ONECUT2: variants seen among roughly 807,000 people sequenced by gnomAD.
ONECUT2 encodes the protein one cut homeobox 2.
A neutral mutation model predicts 27.9 loss-of-function variants in ONECUT2; 10 were observed. The ratio of observed to expected loss-of-function variants is 0.36; its 90% confidence interval spans 0.22 to 0.61. The LOEUF (loss-of-function observed/expected upper bound fraction) is 0.61. ONECUT2 is among the 20% of genes least tolerant of loss of function. The probability of loss-of-function intolerance (pLI) is 0.73; values close to 1 mark genes in which losing one functional copy is unlikely to be tolerated. For synonymous variants in ONECUT2, 334 were observed against 315.1 expected, an observed-to-expected ratio of 1.06 and a Z score of -0.64; for missense variants, 686 against 721.0, an observed-to-expected ratio of 0.95 and a Z score of 0.56.
chr18:57,467,289 G>A (rs2050326706), intron 1 of ONECUT2: 2 of 420,674 alleles, frequency 4.8e-6, no homozygotes, highest in Admixed American at 2.7e-5. Context: ...TGAAAGCAGA[G>A]GCGGCGGTGT....
intron 1 of ONECUT2, chr18:57,467,294 C>T (rs1330611262): frequency 9.7e-6 from 4 of 410,980 alleles, no homozygotes; most frequent in South Asian, 1.7e-5. Flanking sequence ...GCAGAGGCGG[C>T]GGTGTGGAGA....
intron 1 of ONECUT2, among the ~76,000 whole-genome samples, chr18:57,475,878 G>A (rs970334304): frequency 2.0e-5 from 3 of 152,086 alleles, no homozygotes; most frequent in African/African-American, 7.2e-5. Context: ...AAGTCTGGAC[G>A]AAAGGAATTT....
rs143713424 is a variant in ONECUT2 at position 57,443,515 on chromosome 18, C to T, written c.1228+6571C>T. Among the ~76,000 whole-genome samples the T allele has an allele frequency of 2.7e-3, 412 of 152,324 alleles. 5 individuals carry two copies. The highest frequency in any genetic ancestry group is 9.2e-3 in the African/African-American group (381 of 41,578). On this transcript the variant is annotated intron_variant, in intron 1 of 1. Coordinates refer to ENST00000491143, the MANE Select transcript of ONECUT2 (RefSeq NM_004852.3). ...GTCAGGCTAACTCACCCTGTGGGGC[C>T]CTATCACCCCCTCTTATCACCCAGG...
chr18:57,448,256 G>C (rs2050211706), intron 1 of ONECUT2, among the ~76,000 whole-genome samples: 2 of 152,186 alleles, frequency 1.3e-5, no homozygotes, highest in Admixed American at 1.3e-4. Context: ...TGGTTCTCAG[G>C]GAGGTAGAGC....
chr18:57,482,128 G>A lies in ONECUT2; in HGVS notation c.*5405G>A, dbSNP rs534536810. 1 of 152,302 alleles carries A rather than the reference G, an allele frequency of 6.6e-6. No individual in the cohort carries two copies. Among genetic ancestry groups the A allele is most frequent in the East Asian group, 1.9e-4 (1 of 5,188 alleles). The allele number at this position is 152,302 out of a possible 1,614,324, so 9.4% of individuals were successfully genotyped here. A position where few individuals can be genotyped will look rare whatever the true frequency, so the allele number is the denominator to read the frequency against. On this transcript the variant is annotated 3_prime_UTR_variant, in exon 2 of 2. Transcript: ENST00000491143. Reference sequence around the variant, plus strand: ...AAGGCCACAAAAATCCTTACGGAATGAAGAATGGCACCCCAGTTGGTTGTA... The same window carrying A: ...AAGGCCACAAAAATCCTTACGGAATAAAGAATGGCACCCCAGTTGGTTGTA...
intron 1 of ONECUT2, among the ~76,000 whole-genome samples, chr18:57,444,067 C>T (rs1181068685): frequency 6.6e-6 from 1 of 152,168 alleles, no homozygotes; most frequent in East Asian, 1.9e-4. Context: ...GAAAGCATCA[C>T]ATTTTTAAAG....
chr18:57,443,060 T>C (rs1287092615), intron 1 of ONECUT2, among the ~76,000 whole-genome samples: 1 of 152,194 alleles, frequency 6.6e-6, no homozygotes, highest in Non-Finnish European at 1.5e-5. Context: ...GGAACAGGAC[T>C]GAAAAACTCT....
At position 57,483,871 on chromosome 18, in the gene ONECUT2, C is replaced by G. The variant is rs2050427202; in HGVS notation, c.*7148C>G. The G allele has an allele frequency of 6.6e-6, 1 of 152,568 alleles. No individual in the cohort carries two copies. Among genetic ancestry groups the G allele is most frequent in the Non-Finnish European group, 1.5e-5 (1 of 68,042 alleles). 9.5% of individuals were successfully genotyped at this position (152,568 alleles called of 1,614,324 possible). A position where few individuals can be genotyped will look rare whatever the true frequency, so the allele number is the denominator to read the frequency against. ...TTCATATTGTAACTTATTTATTTAA[C>G]TTATTCAGCATCTGTGAAAGGTGCA... On this transcript the variant is annotated 3_prime_UTR_variant, in exon 2 of 2. Coordinates refer to ENST00000491143, the MANE Select transcript of ONECUT2 (RefSeq NM_004852.3).
chr18:57,457,727 G>A (rs954378119), intron 1 of ONECUT2, among the ~76,000 whole-genome samples: 1 of 152,070 alleles, frequency 6.6e-6, no homozygotes. Flanking sequence ...CAACCCAAAT[G>A]TCCATCAGTG....
At chr18:57,467,662 G>A (rs1273031103) in intron 1 of ONECUT2, among the ~76,000 whole-genome samples, 1 of 152,152 alleles carries the variant, frequency 6.6e-6, no homozygotes, top group Non-Finnish European at 1.5e-5. Flanking sequence ...ACCTCACCTG[G>A]CCTATCATCC....
chr18:57,469,546 T>G (rs1410791151), intron 1 of ONECUT2, among the ~76,000 whole-genome samples: 4 of 152,220 alleles, frequency 2.6e-5, no homozygotes, highest in African/African-American at 4.8e-5. Flanking sequence ...CCAAAACCTT[T>G]TAGGATCTCT....
chr18:57,472,665 G>A (rs189256723), intron 1 of ONECUT2, among the ~76,000 whole-genome samples: 34 of 152,038 alleles, frequency 2.2e-4, no homozygotes, highest in Middle Eastern at 3.4e-3. Flanking sequence ...TTTGCTTCAC[G>A]TTAAGTCTTT....
intron 1 of ONECUT2, among the ~76,000 whole-genome samples, chr18:57,473,668 A>G (rs1213174651): frequency 2.6e-5 from 4 of 152,106 alleles, no homozygotes; most frequent in African/African-American, 4.8e-5. Context: ...CTCATGAGAA[A>G]TGCAGAATCC....
chr18:57,461,961 G>T (rs1257946236), intron 1 of ONECUT2, among the ~76,000 whole-genome samples: 1 of 152,216 alleles, frequency 6.6e-6, no homozygotes, highest in Non-Finnish European at 1.5e-5. Context: ...GAATTTCTGG[G>T]TCATAGGGCA....
Position 57,478,478 on chromosome 18 carries a change from A to T in ONECUT2, c.*1755A>T, listed in dbSNP as rs1334965683. The T allele has an allele frequency of 6.5e-6, 1 of 152,678 alleles. No homozygotes were observed. Among genetic ancestry groups the T allele is most frequent in the Admixed American group, 6.5e-5 (1 of 15,286 alleles). The allele number at this position is 152,678 out of a possible 1,614,324, so 9.5% of individuals were successfully genotyped here. On this transcript the variant is annotated 3_prime_UTR_variant, in exon 2 of 2. Transcript: ENST00000491143. ...AATAAATAAATCCGTAAATCAATGG[A>T]AATCACCACCAATAAGAAGGAAGCA...
At chr18:57,464,895 A>C (rs980823235) in intron 1 of ONECUT2, among the ~76,000 whole-genome samples, 5 of 152,314 alleles carry the variant, frequency 3.3e-5, no homozygotes, top group Admixed American at 6.5e-5. Flanking sequence ...AGTAAGCTAG[A>C]GTATGTCTTC....
chr18:57,484,173 A>G lies in ONECUT2; in HGVS notation c.*7450A>G, dbSNP rs1226950694. 1 of 152,648 alleles carries G rather than the reference A, an allele frequency of 6.6e-6. No homozygotes were observed. Among genetic ancestry groups the G allele is most frequent in the African/African-American group, 2.4e-5 (1 of 41,456 alleles). The allele number at this position is 152,648 out of a possible 1,614,324, so 9.5% of individuals were successfully genotyped here. On this transcript the variant is annotated 3_prime_UTR_variant, in exon 2 of 2. Coordinates refer to ENST00000491143, the MANE Select transcript of ONECUT2 (RefSeq NM_004852.3). ...AACTCTGTGTGTATGTAAAGCAACA[A>G]AACAAAAAAGGAAAAAAACAAAAAG...
chr18:57,435,651 C>G lies in ONECUT2; in HGVS notation c.-66C>G. The G allele has an allele frequency of 3.0e-6, 3 of 1,000,478 alleles. No individual in the cohort carries two copies. Among genetic ancestry groups the G allele is most frequent in the Non-Finnish European group, 2.4e-6 (2 of 836,222 alleles). 62.0% of individuals were successfully genotyped at this position (1,000,478 alleles called of 1,614,324 possible). ...CCACTCCCGCAGCCGAGCCCCGCCA[C>G]GCGCGCCTTGCCCGCCCGCCGGCCG... On this transcript the variant is annotated 5_prime_UTR_variant, in exon 1 of 2. Transcript: ENST00000491143.
At chr18:57,453,258 C>T (rs1449775016) in intron 1 of ONECUT2, among the ~76,000 whole-genome samples, 1 of 152,142 alleles carries the variant, frequency 6.6e-6, no homozygotes. Flanking sequence ...GAGAGGTGAT[C>T]ACATTGATTT....
Sources: gnomAD v4.1 joint callset for allele counts (sites outside exome capture counted in the v4.1 genomes callset) on GRCh38, gnomAD v4.1.1 for gene constraint, MANE v1.5 for transcripts, NCBI Gene and HGNC (gene_info 2026-07-23, HGNC 2026-07-21) for gene names.